The following TPTE2 variants were observed in gnomAD, a reference collection of about 807,000 sequenced individuals.
The protein encoded by TPTE2 is phosphatidylinositol 3,4,5-trisphosphate 3-phosphatase TPTE2.
A neutral mutation model predicts 78.6 loss-of-function variants in TPTE2; 53 were observed. The observed-to-expected ratio is 0.67, with a 90% CI of 0.54 to 0.85. TPTE2 has a LOEUF of 0.85. Among genes scored for constraint, TPTE2 ranks in the 40% least tolerant of loss-of-function variants. TPTE2 has a pLI of 0.00. For synonymous variants in TPTE2, 175 were observed against 206.2 expected (o/e 0.85, Z 1.30); for missense variants, 461 against 623.0 (o/e 0.74, Z 2.77).
In TPTE2 at chr13:19,527,450, T is replaced by G. The variant is rs180863984; in HGVS notation, c.-44+9146A>C. Among the ~76,000 whole-genome samples, 637 of 152,292 alleles carry G rather than the reference T, an allele frequency of 4.2e-3. 5 individuals are homozygous for G. Among genetic ancestry groups the G allele is most frequent in the South Asian group, 0.026 (127 of 4,828 alleles). On this transcript the variant is annotated intron_variant, in intron 1 of 17. Coordinates refer to the TPTE2 transcript ENST00000390680. Reference sequence around the variant, plus strand: ...TAAATATGTACAAATATTTGTCGTGTACCAATTAAAAATAAAATTAAAAAC... The same window carrying G: ...TAAATATGTACAAATATTTGTCGTGGACCAATTAAAAATAAAATTAAAAAC...
chr13:19,475,963 C>T (rs1267789540), intron 4 of TPTE2, among the ~76,000 whole-genome samples: 4 of 152,068 alleles, frequency 2.6e-5, no homozygotes, highest in Non-Finnish European at 4.4e-5. Context: ...TAGAAGAGAA[C>T]CGTATTTTAA....
intron 1 of TPTE2, among the ~76,000 whole-genome samples, chr13:19,509,667 A>C (rs1354549871): frequency 2.0e-5 from 3 of 152,286 alleles, no homozygotes; most frequent in Admixed American, 2.0e-4. Flanking sequence ...GTATTTTTCA[A>C]AATTTTTTAG....
At chr13:19,561,320 C>A in the TPTE2 span, 15 of 741,088 alleles carry the variant, frequency 2.0e-5, no homozygotes, top group Non-Finnish European at 2.7e-5. Context: ...AGGCACACGG[C>A]GGGGGCCGCT....
intron 1 of TPTE2, among the ~76,000 whole-genome samples, chr13:19,527,446 C>T (rs3002098): frequency 1 from 151,728 of 152,336 alleles, 75,565 homozygotes; most frequent in Middle Eastern, 1. Flanking sequence ...AAATATTTGT[C>T]GTGTACCAAT....
intron 1 of TPTE2, among the ~76,000 whole-genome samples, chr13:19,522,044 T>C (rs77055150): frequency 0.014 from 2,075 of 152,326 alleles, 39 homozygotes; most frequent in African/African-American, 0.046. Flanking sequence ...TACCGAGGAA[T>C]GTCTTAAATG....
At chr13:19,479,359 G>T (rs1938640033) in intron 4 of TPTE2, among the ~76,000 whole-genome samples, 1 of 151,914 alleles carries the variant, frequency 6.6e-6, no homozygotes, top group African/African-American at 2.4e-5. Flanking sequence ...TGGAAAAAAT[G>T]GTATAATTAT....
chr13:19,457,279 T>C (rs1878595422), intron 10 of TPTE2, among the ~76,000 whole-genome samples: 1 of 152,220 alleles, frequency 6.6e-6, no homozygotes, highest in Non-Finnish European at 1.5e-5. Context: ...ATATGTGTTA[T>C]ACCTCAATAA....
chr13:19,470,388 T>C (rs958629140), intron 6 of TPTE2, among the ~76,000 whole-genome samples: 2 of 152,222 alleles, frequency 1.3e-5, no homozygotes, highest in African/African-American at 4.8e-5. Flanking sequence ...CCACTTGTCA[T>C]GATGAATGAT....
At chr13:19,493,568 T>C in intron 1 of TPTE2, 67 bp from the exon 5 acceptor site, 1 of 1,382,442 alleles carries the variant, frequency 7.2e-7, no homozygotes, top group East Asian at 2.3e-5. Context: ...TTGGAAAAAT[T>C]ACCTTTCATT....
rs528996958 is a variant in TPTE2 at position 19,436,643 on chromosome 13, G to A, written c.1036-337C>T. Among the ~76,000 whole-genome samples the A allele has an allele frequency of 1.0e-3, 156 of 152,138 alleles. 1 individual carries two copies. The highest frequency in any genetic ancestry group is 3.6e-3 in the African/African-American group (151 of 41,496). The stretch of plus-strand genomic sequence containing the variant: ...TTGGCCAGGCTGCTCTCAAACTCCT[G>A]ACCTCAAGAGATCCACCTGCCTCAG... On this transcript the variant is annotated intron_variant, in intron 14 of 19. Transcript: ENST00000400230.
chr13:19,529,776 T>C (rs1357843293), intron 1 of TPTE2, among the ~76,000 whole-genome samples: 1 of 152,188 alleles, frequency 6.6e-6, no homozygotes, highest in Non-Finnish European at 1.5e-5. Context: ...TTATGCCCTT[T>C]GTGATCCTGG....
At chr13:19,425,197 T>C (rs995688906) in intron 18 of TPTE2, among the ~76,000 whole-genome samples, 180 bp from the exon 22 acceptor site, 1 of 152,172 alleles carries the variant, frequency 6.6e-6, no homozygotes, top group African/African-American at 2.4e-5. Flanking sequence ...TTTAAGAAAA[T>C]GCTATTGCAT....
the TPTE2 span, chr13:19,560,633 G>A: frequency 1.3e-6 from 2 of 1,580,118 alleles, no homozygotes; most frequent in Non-Finnish European, 8.6e-7. Flanking sequence ...TGCCCATCAG[G>A]GCCAGCAGGG....
the TPTE2 span, among the ~76,000 whole-genome samples, chr13:19,554,377 A>AAAATAAATAAATAAATAAATAAAT: frequency 9.0e-5 from 13 of 145,216 alleles, no homozygotes; most frequent in African/African-American, 2.7e-4. Flanking sequence ...TCTGTCTCAA[A>AAAATAAATAAATAAATAAATAAAT]AAATAAATAA....
chr13:19,540,034 C>T (rs562071707), upstream of TPTE2, among the ~76,000 whole-genome samples: 2 of 152,194 alleles, frequency 1.3e-5, no homozygotes, highest in East Asian at 3.9e-4. Flanking sequence ...ATCCCAGCTA[C>T]TCGGGAGGCT....
At chr13:19,524,651 T>A (rs1008635799) in intron 1 of TPTE2, among the ~76,000 whole-genome samples, 4 of 152,122 alleles carry the variant, frequency 2.6e-5, no homozygotes, top group Admixed American at 1.3e-4. Flanking sequence ...AAAAGTATGT[T>A]TAAAGTGAAA....
chr13:19,532,954 G>A (rs1192194294), intron 1 of TPTE2, among the ~76,000 whole-genome samples: 1 of 152,068 alleles, frequency 6.6e-6, no homozygotes, highest in Non-Finnish European at 1.5e-5. Context: ...AATTTATGAT[G>A]ACACCTCAAG....
Position 19,475,555 on chromosome 13 carries a change from T to C in TPTE2, c.230+18A>G. The C allele has an allele frequency of 6.2e-7, 1 of 1,606,738 alleles. No homozygotes were observed. The highest frequency in any genetic ancestry group is 8.5e-7 in the Non-Finnish European group (1 of 1,177,120). On this transcript the variant is annotated intron_variant, in intron 5 of 19. Coordinates refer to ENST00000400230, the Ensembl canonical transcript of TPTE2. ...CTCAGATATATTTAATACATGGTGTTTTCTATGTCTCACATACCCAAATGC... is the reference window on the plus strand; with the variant it reads ...CTCAGATATATTTAATACATGGTGTCTTCTATGTCTCACATACCCAAATGC...
chr13:19,487,777 G>A (rs945170081), intron 3 of TPTE2, among the ~76,000 whole-genome samples: 16 of 152,204 alleles, frequency 1.1e-4, no homozygotes, highest in African/African-American at 3.9e-4. Context: ...GATGACTCTG[G>A]TCTCAAGATG....
Sources: allele counts gnomAD v4.1 joint callset (sites outside exome capture counted in the v4.1 genomes callset), GRCh38; gene constraint gnomAD v4.1.1; transcripts MANE v1.5; gene names NCBI Gene and HGNC (gene_info 2026-07-23, HGNC 2026-07-21).